KALRN: variants seen among roughly 807,000 people sequenced by gnomAD.
KALRN encodes the protein kalirin RhoGEF kinase.
In KALRN, 70 loss-of-function variants were observed where a neutral mutation model predicts 353.7. The ratio of observed to expected loss-of-function variants is 0.20; its 90% CI spans 0.16 to 0.24. The LOEUF is 0.24. Among genes scored for constraint, KALRN ranks in the 10% least tolerant of loss-of-function variants. KALRN has a pLI of 1.00. For synonymous variants in KALRN, 1,391 were observed against 1,434.8 expected, an observed-to-expected ratio of 0.97 and a Z score of 0.69; for missense variants, 2,791 against 3,756.7, an observed-to-expected ratio of 0.74 and a Z score of 6.72.
chr3:124,345,869 T>C (rs1038394301), intron 9 of KALRN, among the ~76,000 whole-genome samples: 2 of 152,216 alleles, frequency 1.3e-5, no homozygotes, highest in Non-Finnish European at 2.9e-5. Context: ...AGAACTCCCA[T>C]ACCTGTAGTC....
At chr3:124,166,290 TG>T (rs935113834) in intron 1 of KALRN, among the ~76,000 whole-genome samples, 1 of 152,154 alleles carries the variant, frequency 6.6e-6, no homozygotes, top group African/African-American at 2.4e-5. Flanking sequence ...CTTTGTTTAG[TG>T]GGGGCTTAAC....
At chr3:124,567,743 C>T (rs1372318366) in intron 34 of KALRN, among the ~76,000 whole-genome samples, 1 of 152,124 alleles carries the variant, frequency 6.6e-6, no homozygotes, top group Non-Finnish European at 1.5e-5. Context: ...CATATCCACC[C>T]CAGAACAATT....
chr3:124,573,929 C>G (rs1444150135), intron 34 of KALRN, among the ~76,000 whole-genome samples: 1 of 152,182 alleles, frequency 6.6e-6, no homozygotes, highest in East Asian at 1.9e-4. Flanking sequence ...TCTCCATGAC[C>G]TATTCTCTGT....
intron 11 of KALRN, among the ~76,000 whole-genome samples, chr3:124,391,788 C>T (rs933736961): frequency 1.3e-5 from 2 of 152,132 alleles, no homozygotes; most frequent in African/African-American, 4.8e-5. Context: ...ACTGTGTGCA[C>T]CATGTCCACA....
chr3:124,468,048 A>G (rs919887311), intron 25 of KALRN, among the ~76,000 whole-genome samples: 3 of 151,948 alleles, frequency 2.0e-5, no homozygotes, highest in Admixed American at 2.0e-4. Context: ...GATCGAGGGA[A>G]AGAGATGGAT....
At chr3:124,367,751 C>A (rs1349088138) in intron 10 of KALRN, among the ~76,000 whole-genome samples, 1 of 11,498 alleles carries the variant, frequency 8.7e-5, no homozygotes, top group Non-Finnish European at 1.9e-4. Flanking sequence ...TCCTCACTTC[C>A]CAGTAGGGGC....
Position 124,334,996 on chromosome 3 carries a change from T to C in KALRN, c.1647+501T>C, listed in dbSNP as rs1274371456. ...TTTTGGTGGAGACGGGGTTTCACCA[T>C]GTTGACCAGGCTGGTCTTGAACTCC... is the stretch of plus-strand genomic sequence containing the variant. On this transcript the variant is annotated intron_variant, in intron 9 of 59. Coordinates refer to ENST00000682506, the MANE Select transcript of KALRN (RefSeq NM_001388419.1). The surrounding 1 kb of genome is among the most constrained non-coding windows in gnomAD (Gnocchi z 4.2). Among the ~76,000 whole-genome samples the C allele has an allele frequency of 6.6e-6, 1 of 152,200 alleles. No homozygotes were observed. Among genetic ancestry groups the C allele is most frequent in the Non-Finnish European group, 1.5e-5 (1 of 68,024 alleles).
At chr3:124,524,378 CAG>C (rs2067409219) in intron 33 of KALRN, among the ~76,000 whole-genome samples, 1 of 152,106 alleles carries the variant, frequency 6.6e-6, no homozygotes, top group South Asian at 2.1e-4. Context: ...GCATGGTAAA[CAG>C]GGAGCAGTAT....
intron 5 of KALRN, among the ~76,000 whole-genome samples, chr3:124,294,220 A>G (rs565243660): frequency 1.9e-4 from 29 of 152,056 alleles, no homozygotes; most frequent in Admixed American, 9.2e-4. Context: ...ACTTTTAGGG[A>G]TAACTGCCCT....
At chr3:124,054,839 C>T (rs1033685638) in intron 1 of KALRN, among the ~76,000 whole-genome samples, 2 of 152,172 alleles carry the variant, frequency 1.3e-5, no homozygotes, top group Non-Finnish European at 2.9e-5. Context: ...TCCTAATTAA[C>T]ATTGGTTAAA....
intron 16 of KALRN, among the ~76,000 whole-genome samples, chr3:124,433,573 C>T (rs1366521260): frequency 3.8e-5 from 5 of 132,916 alleles, no homozygotes; most frequent in Non-Finnish European, 4.6e-5. Flanking sequence ...ACTTCAGCCT[C>T]GGTGATAGAT....
rs1341949132 is a variant in KALRN at position 124,725,826 on chromosome 3, A to C, written c.*6356A>C. On this transcript the variant is annotated 3_prime_UTR_variant, in exon 60 of 60. Transcript: ENST00000682506. ...TTTTGAGTGACCCCTGCCCCCCTCA[A>C]GTCTTTTGAGAATTTGGAGTGGGCT... 1 of 152,158 alleles carries C rather than the reference A, an allele frequency of 6.6e-6. No homozygotes were observed. The highest frequency in any genetic ancestry group is 1.5e-5 in the Non-Finnish European group (1 of 68,026). The allele number at this position is 152,158 out of a possible 1,614,324, so 9.4% of individuals were successfully genotyped here.
At chr3:124,486,952 T>C (rs1421135019) in intron 28 of KALRN, among the ~76,000 whole-genome samples, 1 of 152,188 alleles carries the variant, frequency 6.6e-6, no homozygotes, top group East Asian at 1.9e-4. Flanking sequence ...ATTTATCCTA[T>C]TAAAAGCATT....
At chr3:124,223,365 A>G (rs918085860) in intron 1 of KALRN, among the ~76,000 whole-genome samples, 1 of 152,158 alleles carries the variant, frequency 6.6e-6, no homozygotes, top group Admixed American at 6.5e-5. Flanking sequence ...GCAGCCTCTC[A>G]GTGACTCAGT....
chr3:124,382,598 A>G (rs1228012279), intron 10 of KALRN, among the ~76,000 whole-genome samples: 1 of 152,060 alleles, frequency 6.6e-6, no homozygotes, highest in African/African-American at 2.4e-5. Flanking sequence ...TTGGCTTTTT[A>G]TTTATCTCTT....
chr3:124,168,754 G>A (rs116284095), intron 1 of KALRN, among the ~76,000 whole-genome samples: 2,333 of 152,262 alleles, frequency 0.015, 21 homozygotes, highest in Non-Finnish European at 0.022. Context: ...ACCAAATGTG[G>A]TAACTACAGC....
chr3:124,526,907 C>T (rs1157222417), intron 33 of KALRN, among the ~76,000 whole-genome samples: 2 of 152,174 alleles, frequency 1.3e-5, no homozygotes, highest in African/African-American at 4.8e-5. Context: ...ATTCATCCAA[C>T]AGCTATTTAT....
intron 25 of KALRN, among the ~76,000 whole-genome samples, chr3:124,470,591 T>C (rs1049592325): frequency 2.6e-5 from 4 of 152,140 alleles, no homozygotes; most frequent in Admixed American, 6.5e-5. Flanking sequence ...AGAGCCGATG[T>C]AGGATTTGCC....
intron 33 of KALRN, among the ~76,000 whole-genome samples, chr3:124,555,414 AAAAT>A (rs199686367): frequency 0.35 from 48,111 of 136,856 alleles, 8,651 homozygotes; most frequent in Middle Eastern, 0.5. Context: ...ACTCTGTCCC[AAAAT>A]AAATAAATAA....
Sources: allele counts gnomAD v4.1 joint callset (sites outside exome capture counted in the v4.1 genomes callset), GRCh38; gene constraint gnomAD v4.1.1; non-coding constraint Gnocchi (gnomAD v3.1); transcripts MANE v1.5; gene names NCBI Gene and HGNC (gene_info 2026-07-23, HGNC 2026-07-21).